DHRSX: variants seen among roughly 807,000 people sequenced by gnomAD.
DHRSX encodes dehydrogenase/reductase X-linked.
DHRSX carries 31 observed loss-of-function variants against 34.0 expected under a neutral mutation model. The ratio of observed to expected loss-of-function variants is 0.91; its 90% CI spans 0.69 to 1.23. DHRSX has a LOEUF of 1.23. Ranked by LOEUF, DHRSX falls within the 50% of genes most tolerant of loss-of-function variation. DHRSX has a pLI of 0.00. For missense variants in DHRSX, 414 were observed against 428.1 expected, an observed-to-expected ratio of 0.97 and a Z score of 0.29; for synonymous variants, 201 against 183.8, an observed-to-expected ratio of 1.09 and a Z score of -0.76.
At position 2,242,558 on chromosome X, in the gene DHRSX, C is replaced by G. The variant is rs748946497; in HGVS notation, c.804+465G>C. Among the ~76,000 whole-genome samples, 12 of 152,094 alleles carry G rather than the reference C, an allele frequency of 7.9e-5. No homozygotes were observed. The East Asian group carries it at 2.3e-3, about 29-fold the overall frequency. ...CGCAGGATGAGATAAGAGGTTGCTACAAGGTACAGGTCATAAAAACCTTGC... is the reference window on the plus strand; with the variant it reads ...CGCAGGATGAGATAAGAGGTTGCTAGAAGGTACAGGTCATAAAAACCTTGC... On this transcript the variant is annotated intron_variant, in intron 6 of 6. Coordinates refer to ENST00000334651, the MANE Select transcript of DHRSX (RefSeq NM_145177.3).
intron 1 of DHRSX, among the ~76,000 whole-genome samples, chrX:2,464,687 G>T (rs1171984636): frequency 4.0e-5 from 6 of 151,060 alleles, no homozygotes; most frequent in Non-Finnish European, 7.4e-5. Flanking sequence ...CCCTAAGAAT[G>T]CAGCCAAGGG....
rs758977585 is a variant in DHRSX, at chrX:2,402,883, CTTTTTTT to C, written c.286+5855_286+5861del. On this transcript the variant is annotated intron_variant, in intron 3 of 6. Coordinates refer to ENST00000334651, the MANE Select transcript of DHRSX (RefSeq NM_145177.3). ...TTCCAATTACACCTTTAATTGGTTT[CTTTTTTT>C]TTTTTTTTTTTTTTGAGATGGAGTC... 4.9e-4 allele frequency among the ~76,000 whole-genome samples: 58 copies of C among 117,748 alleles called. 1 individual carries two copies. Among genetic ancestry groups the C allele is most frequent in the Admixed American group, 4.5e-3 (52 of 11,608 alleles). 77.2% of individuals were successfully genotyped at this position (117,748 alleles called of 152,430 possible).
intron 4 of DHRSX, among the ~76,000 whole-genome samples, chrX:2,270,015 T>C (rs2041528560): frequency 6.6e-6 from 1 of 152,162 alleles, no homozygotes; most frequent in Non-Finnish European, 1.5e-5. Context: ...TATATGTAGG[T>C]CTAGCATTTC....
At chrX:2,444,311 C>A (rs1175020113) in intron 1 of DHRSX, among the ~76,000 whole-genome samples, 1 of 152,156 alleles carries the variant, frequency 6.6e-6, no homozygotes, top group East Asian at 1.9e-4. Context: ...AGCTCACAGG[C>A]TTTCTCCTCT....
At chrX:2,460,189 C>G (rs377526401) in intron 1 of DHRSX, among the ~76,000 whole-genome samples, 4,824 of 151,460 alleles carry the variant, frequency 0.032, 93 homozygotes, top group African/African-American at 0.034. Flanking sequence ...ACACGAGGTC[C>G]TCTCACAAAG....
intron 3 of DHRSX, among the ~76,000 whole-genome samples, chrX:2,312,989 C>T (rs2042181142): frequency 6.8e-6 from 1 of 147,764 alleles, no homozygotes; most frequent in African/African-American, 2.6e-5. Flanking sequence ...ACCCTCGGGC[C>T]CAGCTTCAAG....
At chrX:2,381,173 C>G (rs1373637266) in intron 3 of DHRSX, among the ~76,000 whole-genome samples, 2 of 152,262 alleles carry the variant, frequency 1.3e-5, no homozygotes, top group East Asian at 3.9e-4. Context: ...GCCCCAGATC[C>G]CTGTCTTGAG....
intron 6 of DHRSX, among the ~76,000 whole-genome samples, chrX:2,242,787 A>G (rs193013816): frequency 9.9e-5 from 15 of 152,156 alleles, no homozygotes; most frequent in Admixed American, 9.2e-4. Flanking sequence ...CATATCATCA[A>G]GAAATCACCG....
At chrX:2,226,088 T>C (rs1323109652) in intron 6 of DHRSX, among the ~76,000 whole-genome samples, 1 of 152,084 alleles carries the variant, frequency 6.6e-6, no homozygotes, top group Admixed American at 6.6e-5. Flanking sequence ...AAAATCAGTG[T>C]CTGTTGTCTA....
intron 5 of DHRSX, among the ~76,000 whole-genome samples, chrX:2,263,889 G>C (rs900555349): frequency 6.6e-6 from 1 of 152,158 alleles, no homozygotes; most frequent in African/African-American, 2.4e-5. Flanking sequence ...TCCTTAAGGC[G>C]GGGTTAGGAG....
intron 3 of DHRSX, among the ~76,000 whole-genome samples, chrX:2,385,907 G>A (rs1047020999): frequency 4.6e-5 from 7 of 151,988 alleles, no homozygotes; most frequent in African/African-American, 7.2e-5. Context: ...GTAGATTTTT[G>A]GATAAATGGC....
chrX:2,424,511 GA>G (rs2043818492), intron 2 of DHRSX, among the ~76,000 whole-genome samples: 1 of 152,086 alleles, frequency 6.6e-6, no homozygotes, highest in Non-Finnish European at 1.5e-5. Flanking sequence ...CTTACACTGT[GA>G]TATTGAACTT....
chrX:2,236,901 T>TG (rs1275256444), intron 6 of DHRSX, among the ~76,000 whole-genome samples: 3 of 138,692 alleles, frequency 2.2e-5, no homozygotes, highest in African/African-American at 5.3e-5. Flanking sequence ...AAAAAAGAAA[T>TG]GGGGGGGCTG....
At chrX:2,422,761 T>C (rs1057054408) in intron 2 of DHRSX, among the ~76,000 whole-genome samples, 2 of 150,608 alleles carry the variant, frequency 1.3e-5, no homozygotes, top group Non-Finnish European at 3.0e-5. Flanking sequence ...CTGGGCAACA[T>C]AGCAAGACCC....
chrX:2,376,133 A>G (rs2043137824), intron 3 of DHRSX, among the ~76,000 whole-genome samples: 1 of 137,700 alleles, frequency 7.3e-6, no homozygotes, highest in African/African-American at 2.5e-5. Context: ...CCTCTGACTC[A>G]GGAGGAAACG....
At chrX:2,456,629 A>C (rs1175490985) in intron 1 of DHRSX, among the ~76,000 whole-genome samples, 1 of 151,384 alleles carries the variant, frequency 6.6e-6, no homozygotes, top group Non-Finnish European at 1.5e-5. Context: ...AAAAAAAAAA[A>C]AACAGCTGGA....
intron 1 of DHRSX, among the ~76,000 whole-genome samples, chrX:2,481,237 A>G (rs2044765974): frequency 6.6e-6 from 1 of 152,232 alleles, no homozygotes; most frequent in South Asian, 2.1e-4. Flanking sequence ...CCAGGCAGAA[A>G]GCAAAACAAG....
chrX:2,457,661 A>T (rs2044322975), intron 1 of DHRSX, among the ~76,000 whole-genome samples: 1 of 150,626 alleles, frequency 6.6e-6, no homozygotes, highest in South Asian at 2.1e-4. Flanking sequence ...CATGCTGAAG[A>T]TGGTTCCCCT....
chrX:2,485,026 G>T (rs1301532512), intron 1 of DHRSX, among the ~76,000 whole-genome samples: 16 of 152,178 alleles, frequency 1.1e-4, no homozygotes, highest in Admixed American at 9.2e-4. Flanking sequence ...TGGGAAAACA[G>T]TTCGAAGCAG....
Sources: gnomAD v4.1 joint callset for allele counts (sites outside exome capture counted in the v4.1 genomes callset) on GRCh38, gnomAD v4.1.1 for gene constraint, MANE v1.5 for transcripts, NCBI Gene and HGNC (gene_info 2026-07-23, HGNC 2026-07-21) for gene names.